ARIH2: variants seen among roughly 807,000 people sequenced by gnomAD.
The protein encoded by ARIH2 is ariadne RBR E3 ubiquitin protein ligase 2.
ARIH2 carries 12 observed loss-of-function variants against 79.8 expected under a neutral mutation model. The ratio of observed to expected loss-of-function variants is 0.15; its 90% CI spans 0.10 to 0.24. ARIH2 has a LOEUF of 0.24. Among genes scored for constraint, ARIH2 ranks in the 10% least tolerant of loss-of-function variants. The probability of loss-of-function intolerance (pLI) is 1.00; values close to 1 mark genes in which losing one functional copy is unlikely to be tolerated. For missense variants in ARIH2, 301 were observed against 618.3 expected (o/e 0.49, Z 5.44); for synonymous variants, 224 against 213.9 (o/e 1.05, Z -0.41).
At chr3:48,931,271 C>A (rs534797893) in intron 3 of ARIH2, among the ~76,000 whole-genome samples, 2 of 152,082 alleles carry the variant, frequency 1.3e-5, no homozygotes, top group Admixed American at 6.6e-5. Context: ...TTTGGCCAGG[C>A]GCAGTGGCTC....
At chr3:48,927,196 A>G (rs898243733) in intron 2 of ARIH2, 9 of 230,344 alleles carry the variant, frequency 3.9e-5, no homozygotes, top group Non-Finnish European at 6.0e-5. Context: ...TGACTTTCTG[A>G]CATAGAGCAG....
rs1422959374 is a variant in ARIH2 at position 48,979,685 on chromosome 3, G to A, written c.1113+52G>A. On this transcript the variant is annotated intron_variant, in intron 12 of 15. Coordinates refer to ENST00000356401, the MANE Select transcript of ARIH2 (RefSeq NM_006321.4). The stretch of plus-strand genomic sequence containing the variant: ...CTACAGGGTAGGCTTCTTCCACTTG[G>A]CCTGCTGGTGGGATTCCCAGGGACT... The A allele has an allele frequency of 7.5e-6, 12 of 1,595,084 alleles. No individual in the cohort carries two copies. In the South Asian group the frequency reaches 1.3e-4, roughly 18 times the overall value.
At position 48,975,098 on chromosome 3, in the gene ARIH2, T is replaced by C. The variant is rs1042279455; in HGVS notation, c.961+119T>C. The C allele has an allele frequency of 5.8e-6, 9 of 1,551,484 alleles. No homozygotes were observed. In the South Asian group the frequency reaches 9.1e-5, roughly 16 times the overall value. On this transcript the variant is annotated intron_variant, in intron 11 of 15. Transcript: ENST00000356401. ...CAAAACATAGAAGAACCTCAGTCAC[T>C]TAACAGTCACAGTAACTGGCATAAA...
At chr3:48,957,792 TAC>T (rs1275021347) in intron 3 of ARIH2, among the ~76,000 whole-genome samples, 4 of 152,334 alleles carry the variant, frequency 2.6e-5, no homozygotes, top group African/African-American at 9.6e-5. Flanking sequence ...CTCAGCTCAC[TAC>T]AACCTCCGCC....
intron 11 of ARIH2, among the ~76,000 whole-genome samples, chr3:48,975,783 G>A (rs985392390): frequency 6.6e-6 from 1 of 151,958 alleles, no homozygotes; most frequent in Non-Finnish European, 1.5e-5. Context: ...GGCTGGTCTC[G>A]AACTCCTGAC....
chr3:48,919,176 A>G lies in ARIH2; in HGVS notation c.-162+178A>G. ...ACCCGCCGTCAGCGGCCGGGCGCCC[A>G]GCGTGTGTCTGCCTTTTTTCCTCCC... On this transcript the variant is annotated intron_variant, in intron 1 of 15. Transcript: ENST00000356401. 3.9e-6 allele frequency: 5 copies of G among 1,298,402 alleles called. No homozygotes were observed. In the South Asian group the frequency reaches 1.2e-4, roughly 32 times the overall value. The allele number at this position is 1,298,402 out of a possible 1,614,324, so 80.4% of individuals were successfully genotyped here.
chr3:48,919,293 G>A, intron 1 of ARIH2: 1 of 995,376 alleles, frequency 1.0e-6, no homozygotes, highest in Non-Finnish European at 1.3e-6. Context: ...GTCTGGCGCG[G>A]CGGGGAAACG....
intron 3 of ARIH2, among the ~76,000 whole-genome samples, chr3:48,928,469 A>G (rs2085931453): frequency 6.6e-6 from 1 of 152,142 alleles, no homozygotes; most frequent in South Asian, 2.1e-4. Flanking sequence ...ATTTTTTATG[A>G]TCATTTTGAC....
At chr3:48,960,645 T>C (rs2091150745) in intron 3 of ARIH2, among the ~76,000 whole-genome samples, 1 of 151,168 alleles carries the variant, frequency 6.6e-6, no homozygotes, top group Admixed American at 6.6e-5. Flanking sequence ...ATGCCTGTAA[T>C]CCCAGCTACT....
rs200140527 is a variant in ARIH2, at chr3:48,967,119, C to T, written c.388-6C>T. On this transcript the variant is annotated splice_polypyrimidine_tract_variant and splice_region_variant and intron_variant, in intron 5 of 15. Transcript: ENST00000356401. ...CTTTGGCTCATGTGGCTCTGTTTCT[C>T]TCCAGGTTCCCACATCCCATCCCCC... is the stretch of plus-strand genomic sequence containing the variant. The T allele has an allele frequency of 2.4e-3, 3,910 of 1,613,288 alleles. 37 individuals carry two copies. Among genetic ancestry groups the T allele is most frequent in the Middle Eastern group, 0.012 (70 of 6,058 alleles).
At chr3:48,930,634 A>G (rs1190155547) in intron 3 of ARIH2, among the ~76,000 whole-genome samples, 3 of 152,054 alleles carry the variant, frequency 2.0e-5, no homozygotes, top group African/African-American at 7.2e-5. Context: ...TATTTTTGTA[A>G]TTAATATTTT....
At chr3:48,979,333 T>TGC in intron 11 of ARIH2, 149 bp from the exon 12 acceptor site, 1 of 696,900 alleles carries the variant, frequency 1.4e-6, no homozygotes, top group Non-Finnish European at 2.4e-6. Flanking sequence ...GGATGAGAGG[T>TGC]GCACATTCCT....
chr3:48,986,016 G>T lies in ARIH2; in HGVS notation c.*2746G>T, dbSNP rs2092894327. ...GTGGAGTCTAATCTCAAGGGTGAAG[G>T]ACAGGAAATGAGGTTTGGATTGATT... On this transcript the variant is annotated 3_prime_UTR_variant, in exon 16 of 16. Coordinates refer to ENST00000356401, the MANE Select transcript of ARIH2 (RefSeq NM_006321.4). The T allele has an allele frequency of 6.6e-6, 1 of 152,234 alleles. No homozygotes were observed. Among genetic ancestry groups the T allele is most frequent in the South Asian group, 2.1e-4 (1 of 4,832 alleles). The allele number at this position is 152,234 out of a possible 1,614,324, so 9.4% of individuals were successfully genotyped here. A position where few individuals can be genotyped will look rare whatever the true frequency, so the allele number is the denominator to read the frequency against.
Position 48,922,735 on chromosome 3 carries a change from C to A in ARIH2, c.-161-13C>A, listed in dbSNP as rs1206543016. On this transcript the variant is annotated splice_polypyrimidine_tract_variant and intron_variant, in intron 1 of 15. Transcript: ENST00000356401. ...CAGCTTTAAAAATATAAATATAATT[C>A]TTTTCATTTTAGATGGAAATCATAT... is the stretch of plus-strand genomic sequence containing the variant. The A allele has an allele frequency of 6.6e-6, 1 of 151,936 alleles. No individual in the cohort carries two copies. The highest frequency in any genetic ancestry group is 6.6e-5 in the Admixed American group (1 of 15,236). 9.4% of individuals were successfully genotyped at this position (151,936 alleles called of 1,614,324 possible). A position where few individuals can be genotyped will look rare whatever the true frequency, so the allele number is the denominator to read the frequency against.
At chr3:48,981,245 T>C (rs2092738356) in intron 13 of ARIH2, among the ~76,000 whole-genome samples, 1 of 150,844 alleles carries the variant, frequency 6.6e-6, no homozygotes, top group African/African-American at 2.4e-5. Context: ...GGTGGGAGGA[T>C]CGCTTGAGTC....
chr3:48,968,735 A>G, intron 7 of ARIH2, 80 bp downstream of exon 7: 28 of 1,540,212 alleles, frequency 1.8e-5, no homozygotes, highest in Non-Finnish European at 2.5e-5. Context: ...CTTACTTTGT[A>G]GACTAGGCTG....
intron 3 of ARIH2, among the ~76,000 whole-genome samples, chr3:48,928,962 C>G (rs2086008957): frequency 1.3e-5 from 2 of 152,082 alleles, no homozygotes; most frequent in South Asian, 4.1e-4. Flanking sequence ...TATAACAAAG[C>G]TGCTGGACCC....
chr3:48,933,736 A>G (rs991642934), intron 3 of ARIH2, among the ~76,000 whole-genome samples: 1 of 151,432 alleles, frequency 6.6e-6, no homozygotes, highest in Non-Finnish European at 1.5e-5. Flanking sequence ...TATTTTTAGT[A>G]GAGACGGGCT....
chr3:48,920,062 C>T (rs997646062), intron 1 of ARIH2, among the ~76,000 whole-genome samples: 1 of 150,788 alleles, frequency 6.6e-6, no homozygotes, highest in Non-Finnish European at 1.5e-5. Context: ...TAACTGCAGC[C>T]CCGACTTTCT....
Sources: allele counts gnomAD v4.1 joint callset (sites outside exome capture counted in the v4.1 genomes callset), GRCh38; gene constraint gnomAD v4.1.1; transcripts MANE v1.5; gene names NCBI Gene and HGNC (gene_info 2026-07-23, HGNC 2026-07-21).